Variants in ZZEF1 observed in about 807,000 individuals in gnomAD.
The protein encoded by ZZEF1 is zinc finger ZZ-type and EF-hand domain containing 1.
In ZZEF1, 157 loss-of-function variants were observed where a neutral mutation model predicts 342.8. The ratio of observed to expected loss-of-function variants is 0.46; its 90% confidence interval spans 0.40 to 0.52. ZZEF1 has a LOEUF of 0.52. ZZEF1 is among the 20% of genes least tolerant of loss of function. ZZEF1 has a pLI of 0.00. For synonymous variants in ZZEF1, 1,505 were observed against 1,429.1 expected (o/e 1.05, Z -1.20); for missense variants, 3,480 against 3,725.6 (o/e 0.93, Z 1.72).
Position 4,076,607 on chromosome 17 carries a change from C to A in ZZEF1, c.3234+30G>T, listed in dbSNP as rs369610161. 1.9e-6 allele frequency: 3 copies of A among 1,592,338 alleles called. No individual in the cohort carries two copies. In the African/African-American group the frequency reaches 4.0e-5, roughly 21 times the overall value. ...GTCCCATCACTCCTGAGAGAGAACA[C>A]GGGGCGGCTCAAGTGCTGACTCGAG... On this transcript the variant is annotated intron_variant, in intron 21 of 54. Coordinates refer to ENST00000381638, the MANE Select transcript of ZZEF1 (RefSeq NM_015113.4).
Position 4,142,848 on chromosome 17 carries a change from G to A in ZZEF1, c.48C>T (p.Ala16=), listed in dbSNP as rs1386017907. Reference sequence around the variant, plus strand: ...GGTGTGGGCCCCAGCCCTCGCCACCGGCAGCTGCCGCTTCGTCTTCACTGC... The same window carrying A: ...GGTGTGGGCCCCAGCCCTCGCCACCAGCAGCTGCCGCTTCGTCTTCACTGC... The part of the protein sequence containing the change: ...SHSSEDEAAA[A]GGEGWGPHQD... Residue 16 remains alanine, a synonymous_variant, in exon 1 of 55, where the codon GCC becomes GCT. Transcript: ENST00000381638. 10 of 1,395,132 alleles carry A rather than the reference G, an allele frequency of 7.2e-6. No individual in the cohort carries two copies. In the South Asian group the frequency reaches 8.2e-5, roughly 11 times the overall value. The allele number at this position is 1,395,132 out of a possible 1,614,324, so 86.4% of individuals were successfully genotyped here.
Position 4,042,505 on chromosome 17 carries a change from G to A in ZZEF1, c.6230C>T (p.Pro2077Leu), listed in dbSNP as rs2145115527. 1 of 1,614,080 alleles carries A rather than the reference G, an allele frequency of 6.2e-7. No individual in the cohort carries two copies. The highest frequency in any genetic ancestry group is 1.1e-5 in the South Asian group (1 of 91,058). Residue 2077 changes from proline (P) to leucine (L), a missense_variant, in exon 39 of 55, where the codon CCT becomes CTT. By Grantham distance (98) the Pro-to-Leu change is moderately conservative. Coordinates refer to ENST00000381638, the MANE Select transcript of ZZEF1 (RefSeq NM_015113.4). Reference protein sequence around the residue: ...PIEEKAVTPSPEQVFAECSQK... With the variant: ...PIEEKAVTPSLEQVFAECSQK... ...GGAACACTCAGCAAACACTTGCTCAGGGCTTGGAGTAACTGCTTTTTCCTC... is the reference window on the plus strand; with the variant it reads ...GGAACACTCAGCAAACACTTGCTCAAGGCTTGGAGTAACTGCTTTTTCCTC...
At chr17:4,123,303 A>ATG (rs1317023005) in intron 2 of ZZEF1, among the ~76,000 whole-genome samples, 43 of 139,556 alleles carry the variant, frequency 3.1e-4, no homozygotes, top group Non-Finnish European at 5.5e-4. Flanking sequence ...ATATATATAT[A>ATG]TATATATCAG....
chr17:4,031,391 C>T (rs371734541), intron 42 of ZZEF1, among the ~76,000 whole-genome samples: 15 of 151,756 alleles, frequency 9.9e-5, no homozygotes, highest in African/African-American at 3.4e-4. Context: ...GAAGTAAGGA[C>T]ATATAGATTA....
intron 6 of ZZEF1, among the ~76,000 whole-genome samples, chr17:4,108,527 C>T (rs369558286): frequency 2.0e-5 from 3 of 152,218 alleles, no homozygotes; most frequent in African/African-American, 7.2e-5. Flanking sequence ...CTGTAAGGGG[C>T]GTGACTGGGG....
chr17:4,097,025 GC>G (rs951916365), intron 9 of ZZEF1, among the ~76,000 whole-genome samples: 7 of 152,052 alleles, frequency 4.6e-5, no homozygotes, highest in African/African-American at 1.7e-4. Context: ...ACTTTGGGAG[GC>G]CGAGGCGGGT....
At chr17:4,070,074 TAC>T (rs960368653) in intron 26 of ZZEF1, among the ~76,000 whole-genome samples, 7 of 152,038 alleles carry the variant, frequency 4.6e-5, no homozygotes, top group Admixed American at 1.3e-4. Flanking sequence ...GCAGGGTAAA[TAC>T]AGAGATGGCA....
In ZZEF1 at chr17:4,110,004, T is replaced by A. The variant is rs143691015; in HGVS notation, c.1067-141A>T. The A allele has an allele frequency of 1.6e-4, 109 of 699,664 alleles. No individual in the cohort carries two copies. The East Asian group carries it at 2.7e-3, about 17-fold the overall frequency. The allele number at this position is 699,664 out of a possible 1,614,324, so 43.3% of individuals were successfully genotyped here. On this transcript the variant is annotated intron_variant, in intron 5 of 54. Transcript: ENST00000381638. ...ACTTTGATGACAGAAATAAATAGCATGTGCAATGGAACTAGTATATAATAA... is the reference window on the plus strand; with the variant it reads ...ACTTTGATGACAGAAATAAATAGCAAGTGCAATGGAACTAGTATATAATAA...
intron 43 of ZZEF1, among the ~76,000 whole-genome samples, chr17:4,023,677 A>AAAT (rs1385038970): frequency 6.6e-6 from 1 of 151,276 alleles, no homozygotes. Flanking sequence ...AAAAAAAAAA[A>AAAT]ATTAACTGGG....
rs2055864949 is a variant in ZZEF1, at chr17:4,008,680, T to C, written c.8805+203A>G. On this transcript the variant is annotated intron_variant, in intron 54 of 54. Transcript: ENST00000381638. This position sits in a 1 kb window ranked among gnomAD's most constrained non-coding sequence, Gnocchi z 4.2. Reference sequence around the variant, plus strand: ...CACAAATTCTTCTGACCCCACAGTTTAGAGTGAATGACTCTGATAAATGGG... The same window carrying C: ...CACAAATTCTTCTGACCCCACAGTTCAGAGTGAATGACTCTGATAAATGGG... 4.5e-6 allele frequency: 6 copies of C among 1,334,406 alleles called. No homozygotes were observed. The highest frequency in any genetic ancestry group is 2.0e-5 in the South Asian group (1 of 49,142). 82.7% of individuals were successfully genotyped at this position (1,334,406 alleles called of 1,614,324 possible).
intron 33 of ZZEF1, 131 bp downstream of exon 33, chr17:4,056,085 C>T (rs1049899163): frequency 9.9e-7 from 1 of 1,008,488 alleles, no homozygotes; most frequent in Middle Eastern, 3.6e-4. Flanking sequence ...CGGTTGGGGA[C>T]CCCTTCACTA....
chr17:4,044,925 G>A (rs2056880259), intron 37 of ZZEF1, among the ~76,000 whole-genome samples: 2 of 152,082 alleles, frequency 1.3e-5, no homozygotes, highest in African/African-American at 4.8e-5. Context: ...AGGCCAAGGC[G>A]GGCAGATCCC....
At chr17:4,041,000 A>G (rs1235668938) in intron 39 of ZZEF1, among the ~76,000 whole-genome samples, 4 of 152,188 alleles carry the variant, frequency 2.6e-5, no homozygotes, top group Non-Finnish European at 5.9e-5. Context: ...AGTTAGCAGA[A>G]ATCAGTCATG....
intron 3 of ZZEF1, among the ~76,000 whole-genome samples, chr17:4,115,617 C>A (rs2058381765): frequency 6.6e-6 from 1 of 152,046 alleles, no homozygotes; most frequent in African/African-American, 2.4e-5. Context: ...GAGCCGGGAT[C>A]ACACCACTGC....
chr17:4,057,072 C>T (rs374129743), intron 32 of ZZEF1, among the ~76,000 whole-genome samples: 3 of 152,332 alleles, frequency 2.0e-5, no homozygotes, highest in South Asian at 2.1e-4. Flanking sequence ...TGCATTCCAA[C>T]GAAATGGTTT....
At chr17:4,091,999 C>A (rs1280242878) in intron 11 of ZZEF1, among the ~76,000 whole-genome samples, 1 of 151,338 alleles carries the variant, frequency 6.6e-6, no homozygotes, top group Non-Finnish European at 1.5e-5. Context: ...TTGCTTGAAC[C>A]CAGGAGGCGG....
intron 28 of ZZEF1, among the ~76,000 whole-genome samples, chr17:4,065,657 T>A (rs2057377212): frequency 1.3e-5 from 2 of 152,062 alleles, no homozygotes; most frequent in African/African-American, 4.8e-5. Flanking sequence ...TTCACCCCCA[T>A]CAACCCCTCA....
chr17:4,070,628 T>A, intron 26 of ZZEF1, 56 bp downstream of exon 26: 1 of 1,570,512 alleles, frequency 6.4e-7, no homozygotes, highest in Non-Finnish European at 8.7e-7. Context: ...AGATAGGCTT[T>A]CTTAAAACTT....
At chr17:4,136,107 C>T (rs1313930258) in intron 1 of ZZEF1, among the ~76,000 whole-genome samples, 4 of 148,478 alleles carry the variant, frequency 2.7e-5, no homozygotes, top group African/African-American at 9.9e-5. Flanking sequence ...TCTCCTGCCT[C>T]AGCCTCCCGA....
Sources: allele counts gnomAD v4.1 joint callset (sites outside exome capture counted in the v4.1 genomes callset), GRCh38; gene constraint gnomAD v4.1.1; non-coding constraint Gnocchi (gnomAD v3.1); transcripts MANE v1.5; gene names NCBI Gene and HGNC (gene_info 2026-07-23, HGNC 2026-07-21).